HHIP: variants seen among roughly 807,000 people sequenced by gnomAD.
The protein encoded by HHIP is hedgehog-interacting protein.
In HHIP, 12 loss-of-function variants were observed where a neutral mutation model predicts 74.0. That is an observed-to-expected ratio of 0.16 (90% confidence interval 0.10 to 0.26). The LOEUF is 0.26. HHIP is among the 10% of genes least tolerant of loss of function. The probability of loss-of-function intolerance (pLI) is 1.00; values close to 1 mark genes in which losing one functional copy is unlikely to be tolerated. For missense variants in HHIP, 788 were observed against 845.0 expected, an observed-to-expected ratio of 0.93 and a Z score of 0.84; for synonymous variants, 309 against 311.6, an observed-to-expected ratio of 0.99 and a Z score of 0.09.
Position 144,737,833 on chromosome 4 carries a change from G to A in HHIP, c.1979G>A (p.Gly660Glu). Residue 660 changes from glycine to glutamate, a missense_variant, in exon 13 of 13, where the codon GGA becomes GAA. Around this residue, in one of 3 missense-constraint regions of HHIP, gnomAD observed 343 missense variants for 347.9 expected, o/e 0.99. Transcript: ENST00000296575. The part of the protein sequence containing the change: ...VRPNKCLCKK[G>E]YLGPQCEQVD... ...CCGAACAAGTGCCTCTGTAAAAAAG[G>A]ATATCTTGGTCCTCAATGTGAACAA... 1 of 1,613,842 alleles carries A rather than the reference G, an allele frequency of 6.2e-7. No individual in the cohort carries two copies.
chr4:144,672,443 C>T (rs966363081), intron 4 of HHIP, among the ~76,000 whole-genome samples: 4 of 152,014 alleles, frequency 2.6e-5, no homozygotes, highest in Non-Finnish European at 5.9e-5. Context: ...ACCATGACTT[C>T]GAAGTGGACA....
At chr4:144,730,151 T>C (rs576342043) in intron 11 of HHIP, among the ~76,000 whole-genome samples, 7 of 152,334 alleles carry the variant, frequency 4.6e-5, no homozygotes, top group South Asian at 4.1e-4. Flanking sequence ...ATGTTATAAA[T>C]AACTTATGCT....
chr4:144,663,123 T>C (rs1324441340), intron 4 of HHIP, among the ~76,000 whole-genome samples: 2 of 151,996 alleles, frequency 1.3e-5, no homozygotes, highest in African/African-American at 2.4e-5. Context: ...ATGTCTCTAA[T>C]AAAATTACAA....
At chr4:144,692,244 CA>C (rs1453770387) in intron 4 of HHIP, among the ~76,000 whole-genome samples, 1 of 151,998 alleles carries the variant, frequency 6.6e-6, no homozygotes, top group African/African-American at 2.4e-5. Flanking sequence ...CCAAGTCAAA[CA>C]GCCTGGAAGT....
At chr4:144,683,873 A>G (rs2575580) in intron 4 of HHIP, among the ~76,000 whole-genome samples, 13,799 of 152,022 alleles carry the variant, frequency 0.091, 805 homozygotes, top group Middle Eastern at 0.14. Flanking sequence ...TGGATGGTCA[A>G]TTAGTGATTC....
chr4:144,696,949 G>C (rs1729837241), intron 4 of HHIP, among the ~76,000 whole-genome samples: 1 of 151,810 alleles, frequency 6.6e-6, no homozygotes. Context: ...ACAGTCTATT[G>C]GAGACTTGCT....
chr4:144,736,043 A>C (rs1169667381), intron 12 of HHIP, among the ~76,000 whole-genome samples: 1 of 151,966 alleles, frequency 6.6e-6, no homozygotes, highest in East Asian at 1.9e-4. Flanking sequence ...AAAATATGAG[A>C]ATCAGTATTC....
chr4:144,673,571 A>G (rs995834718), intron 4 of HHIP, among the ~76,000 whole-genome samples: 9 of 152,184 alleles, frequency 5.9e-5, no homozygotes, highest in African/African-American at 2.2e-4. Flanking sequence ...GGGGGAAAAT[A>G]TGATTATTTT....
chr4:144,725,762 G>A (rs1304616721), intron 11 of HHIP, among the ~76,000 whole-genome samples: 5 of 152,108 alleles, frequency 3.3e-5, no homozygotes, highest in East Asian at 3.9e-4. Flanking sequence ...TCTGCCTCCC[G>A]GGTTCAAGCG....
chr4:144,695,032 G>A (rs1012097120), intron 4 of HHIP, among the ~76,000 whole-genome samples: 3 of 151,708 alleles, frequency 2.0e-5, no homozygotes, highest in African/African-American at 7.2e-5. Context: ...ACATTTCTTA[G>A]CCATTAAGTA....
intron 10 of HHIP, among the ~76,000 whole-genome samples, 162 bp from the exon 11 acceptor site, chr4:144,718,713 C>T (rs541886400): frequency 7.9e-5 from 12 of 152,226 alleles, no homozygotes; most frequent in Middle Eastern, 6.8e-3. Context: ...ATTCTGGATG[C>T]ACTGTAAAGG....
At chr4:144,701,348 G>A (rs1056541307) in intron 4 of HHIP, among the ~76,000 whole-genome samples, 4 of 146,888 alleles carry the variant, frequency 2.7e-5, no homozygotes, top group African/African-American at 1.0e-4. Context: ...GCAAGTTTTA[G>A]AGTGGAGAAA....
intron 4 of HHIP, among the ~76,000 whole-genome samples, chr4:144,670,498 G>A (rs1399838794): frequency 6.7e-6 from 1 of 150,344 alleles, no homozygotes; most frequent in Non-Finnish European, 1.5e-5. Flanking sequence ...TTAGTTTGGT[G>A]CAAAAGTAAT....
chr4:144,726,509 A>AT (rs1244513429), intron 11 of HHIP, among the ~76,000 whole-genome samples: 1 of 152,210 alleles, frequency 6.6e-6, no homozygotes, highest in Non-Finnish European at 1.5e-5. Context: ...ATACTGTACC[A>AT]TAACCCTGTA....
intron 4 of HHIP, among the ~76,000 whole-genome samples, chr4:144,668,042 G>T (rs1344738455): frequency 6.6e-6 from 1 of 152,056 alleles, no homozygotes; most frequent in Non-Finnish European, 1.5e-5. Flanking sequence ...ATCAGGCCAG[G>T]CGCAGTGGCT....
intron 10 of HHIP, among the ~76,000 whole-genome samples, chr4:144,718,565 G>A (rs1560718789): frequency 6.6e-6 from 1 of 152,162 alleles, no homozygotes; most frequent in South Asian, 2.1e-4. Flanking sequence ...TGGCTGGTAC[G>A]TTGAGAATAC....
At chr4:144,694,964 A>G (rs1372931768) in intron 4 of HHIP, among the ~76,000 whole-genome samples, 5 of 151,852 alleles carry the variant, frequency 3.3e-5, no homozygotes, top group Non-Finnish European at 7.4e-5. Context: ...TAAGATTATC[A>G]CTAATAAAAT....
intron 11 of HHIP, among the ~76,000 whole-genome samples, chr4:144,732,171 T>G (rs998921019): frequency 6.6e-6 from 1 of 152,186 alleles, no homozygotes; most frequent in Non-Finnish European, 1.5e-5. Context: ...AATGTTCATA[T>G]TAAGGGAGCC....
At chr4:144,709,578 C>G (rs941236761) in intron 7 of HHIP, among the ~76,000 whole-genome samples, 1 of 152,134 alleles carries the variant, frequency 6.6e-6, no homozygotes, top group Admixed American at 6.5e-5. Context: ...CCACCTCCCT[C>G]CAAAAGTATT....
Sources: allele counts gnomAD v4.1 joint callset (sites outside exome capture counted in the v4.1 genomes callset), GRCh38; gene constraint gnomAD v4.1.1; regional missense constraint gnomAD v4.1.1; transcripts MANE v1.5; gene names NCBI Gene and HGNC (gene_info 2026-07-23, HGNC 2026-07-21).